Variants in DNAH6 observed in about 807,000 individuals in gnomAD.
DNAH6 encodes the protein dynein axonemal heavy chain 6.
DNAH6 carries 340 observed loss-of-function variants against 491.4 expected under a neutral mutation model. That is an observed-to-expected ratio of 0.69 (90% CI 0.63 to 0.76). The LOEUF (loss-of-function observed/expected upper bound fraction) is 0.76, where lower values mean the gene tolerates loss of function less well. DNAH6 is among the 30% of genes least tolerant of loss of function. The pLI, the probability that DNAH6 is intolerant of heterozygous loss-of-function variation, is 0.00. For missense variants in DNAH6, 4,443 were observed against 4,972.2 expected (o/e 0.89, Z 3.20); for synonymous variants, 1,603 against 1,686.1 (o/e 0.95, Z 1.21).
chr2:84,499,955 G>T, the DNAH6 span, among the ~76,000 whole-genome samples: 1 of 151,748 alleles, frequency 6.6e-6, no homozygotes, highest in Non-Finnish European at 1.5e-5. Context: ...TTGTCAAATG[G>T]GTAGTTTGCA....
rs140840774 is a variant in DNAH6 at position 84,654,130 on chromosome 2, A to G, written c.5634+256A>G. Among the ~76,000 whole-genome samples the G allele has an allele frequency of 3.7e-3, 562 of 151,946 alleles. 4 individuals carry two copies. Among genetic ancestry groups the G allele is most frequent in the Non-Finnish European group, 5.8e-3 (397 of 67,880 alleles). On this transcript the variant is annotated intron_variant, in intron 34 of 76. Coordinates refer to ENST00000389394, the MANE Select transcript of DNAH6 (RefSeq NM_001370.2). Reference sequence around the variant, plus strand: ...AGAGAGAAAGAGAGAGAGAGAGAGAAAGAAAGAGGAGAGAGAGAGAGAGCT... The same window carrying G: ...AGAGAGAAAGAGAGAGAGAGAGAGAGAGAAAGAGGAGAGAGAGAGAGAGCT...
chr2:84,792,751 G>T (rs1677898394), intron 68 of DNAH6, among the ~76,000 whole-genome samples: 1 of 152,198 alleles, frequency 6.6e-6, no homozygotes, highest in African/African-American at 2.4e-5. Context: ...ACATTGGTTA[G>T]CAATTATGGT....
intron 63 of DNAH6, chr2:84,751,317 T>A (rs1368830463): frequency 6.6e-6 from 1 of 152,218 alleles, no homozygotes; most frequent in East Asian, 1.9e-4. Context: ...CAAACTGTTG[T>A]TTCCAGGTCT....
chr2:84,587,580 A>T (rs889767099), intron 15 of DNAH6, among the ~76,000 whole-genome samples: 2 of 152,176 alleles, frequency 1.3e-5, no homozygotes, highest in Non-Finnish European at 2.9e-5. Context: ...TGCTATCAAG[A>T]CCCTCATTCC....
At chr2:84,646,035 C>A (rs1343867639) in intron 33 of DNAH6, among the ~76,000 whole-genome samples, 2 of 152,194 alleles carry the variant, frequency 1.3e-5, no homozygotes, top group African/African-American at 2.4e-5. Context: ...TTTGTAGCAA[C>A]CCTTCATGAA....
the DNAH6 span, among the ~76,000 whole-genome samples, chr2:84,505,728 GC>G: frequency 6.6e-6 from 1 of 151,940 alleles, no homozygotes; most frequent in Admixed American, 6.6e-5. Flanking sequence ...CCCACAACAG[GC>G]CCCGGTGTGT....
At chr2:84,788,482 A>G (rs1189360008) in intron 68 of DNAH6, among the ~76,000 whole-genome samples, 1 of 152,250 alleles carries the variant, frequency 6.6e-6, no homozygotes, top group Non-Finnish European at 1.5e-5. Context: ...TATAAAATTC[A>G]TATGAAAATG....
At chr2:84,624,150 T>G (rs1687641181) in intron 26 of DNAH6, 115 bp from the exon 27 acceptor site, 1 of 934,650 alleles carries the variant, frequency 1.1e-6, no homozygotes, top group South Asian at 1.9e-5. Context: ...AATTATAGAT[T>G]CTTAAAATTA....
chr2:84,632,829 C>G (rs1213328648), intron 29 of DNAH6, among the ~76,000 whole-genome samples: 1 of 152,192 alleles, frequency 6.6e-6, no homozygotes, highest in Non-Finnish European at 1.5e-5. Context: ...CCAGATCTCT[C>G]TGAGGATTCC....
intron 29 of DNAH6, among the ~76,000 whole-genome samples, chr2:84,626,340 T>G (rs903881369): frequency 2.6e-5 from 4 of 152,234 alleles, no homozygotes; most frequent in Admixed American, 1.3e-4. Context: ...TCAAGTTTTA[T>G]AAAATTTGTA....
chr2:84,780,048 C>T (rs928456162), intron 64 of DNAH6, among the ~76,000 whole-genome samples: 4 of 152,078 alleles, frequency 2.6e-5, no homozygotes, highest in Non-Finnish European at 4.4e-5. Flanking sequence ...CTGACCTTTT[C>T]CTCTAGCTGC....
Position 84,772,446 on chromosome 2 carries a change from G to T in DNAH6, c.10704-9047G>T, listed in dbSNP as rs577865593. ...ACACACACACACAATTCAGTTACATGCTGCCTACAAGAGATTCACGTTAGA... is the reference window on the plus strand; with the variant it reads ...ACACACACACACAATTCAGTTACATTCTGCCTACAAGAGATTCACGTTAGA... On this transcript the variant is annotated intron_variant, in intron 64 of 76. Coordinates refer to ENST00000389394, the MANE Select transcript of DNAH6 (RefSeq NM_001370.2). Among the ~76,000 whole-genome samples, 3 of 152,052 alleles carry T rather than the reference G, an allele frequency of 2.0e-5. No individual in the cohort carries two copies. In the South Asian group the frequency reaches 6.2e-4, roughly 32 times the overall value.
chr2:84,718,120 C>T lies in DNAH6; in HGVS notation c.9612-84C>T, dbSNP rs571805137. The T allele has an allele frequency of 2.0e-4, 228 of 1,155,966 alleles. 1 individual carries two copies. Among genetic ancestry groups the T allele is most frequent in the South Asian group, 4.0e-4 (23 of 56,812 alleles). The allele number at this position is 1,155,966 out of a possible 1,614,324, so 71.6% of individuals were successfully genotyped here. A position where few individuals can be genotyped will look rare whatever the true frequency, so the allele number is the denominator to read the frequency against. On this transcript the variant is annotated intron_variant, in intron 58 of 76. Coordinates refer to ENST00000389394, the MANE Select transcript of DNAH6 (RefSeq NM_001370.2). ...AGCTGAATAGTATTCAGAATAAGAACGATTACAAACAGAGAAAGAAAAATA... is the reference window on the plus strand; with the variant it reads ...AGCTGAATAGTATTCAGAATAAGAATGATTACAAACAGAGAAAGAAAAATA...
chr2:84,782,517 C>T (rs568766357), intron 65 of DNAH6, among the ~76,000 whole-genome samples: 1 of 152,336 alleles, frequency 6.6e-6, no homozygotes, highest in African/African-American at 2.4e-5. Flanking sequence ...CCCCAGTCTG[C>T]TCTGGTCACT....
At position 84,739,675 on chromosome 2, in the gene DNAH6, G is replaced by A. The variant is rs541601020; in HGVS notation, c.10343-5405G>A. ...ATTTGTATTTTGAATTTCCTGATGCGAATTTTTCAATTCCAGGACTTCTGT... is the reference window on the plus strand; with the variant it reads ...ATTTGTATTTTGAATTTCCTGATGCAAATTTTTCAATTCCAGGACTTCTGT... On this transcript the variant is annotated intron_variant, in intron 62 of 76. Coordinates refer to ENST00000389394, the MANE Select transcript of DNAH6 (RefSeq NM_001370.2). 1.0e-3 allele frequency among the ~76,000 whole-genome samples: 155 copies of A among 152,210 alleles called. 1 individual carries two copies. The highest frequency in any genetic ancestry group is 1.4e-3 in the Non-Finnish European group (96 of 68,010).
intron 12 of DNAH6, among the ~76,000 whole-genome samples, chr2:84,575,432 GA>G (rs1227786468): frequency 6.6e-6 from 1 of 152,064 alleles, no homozygotes; most frequent in African/African-American, 2.4e-5. Flanking sequence ...GTAATATTTA[GA>G]CATTTCATCC....
At chr2:84,606,447 G>A (rs1003264290) in intron 20 of DNAH6, among the ~76,000 whole-genome samples, 12 of 152,126 alleles carry the variant, frequency 7.9e-5, no homozygotes, top group Non-Finnish European at 1.8e-4. Flanking sequence ...CACATGCTCC[G>A]TGAGAGATGC....
intron 13 of DNAH6, 100 bp downstream of exon 13, chr2:84,577,508 T>C: frequency 1.2e-6 from 1 of 851,922 alleles, no homozygotes; most frequent in Non-Finnish European, 1.7e-6. Flanking sequence ...GTATTGCAAA[T>C]ATAAAAATTA....
intron 48 of DNAH6, among the ~76,000 whole-genome samples, chr2:84,700,731 T>A (rs1695822706): frequency 6.6e-6 from 1 of 152,224 alleles, no homozygotes; most frequent in Non-Finnish European, 1.5e-5. Context: ...ATTATAATGA[T>A]GGACGTGAGG....
Sources: gnomAD v4.1 joint callset for allele counts (sites outside exome capture counted in the v4.1 genomes callset) on GRCh38, gnomAD v4.1.1 for gene constraint, MANE v1.5 for transcripts, NCBI Gene and HGNC (gene_info 2026-07-23, HGNC 2026-07-21) for gene names.